GLDC: variants seen among roughly 807,000 people sequenced by gnomAD.
GLDC encodes glycine dehydrogenase (decarboxylating), mitochondrial.
In GLDC, 104 loss-of-function variants were observed where a neutral mutation model predicts 121.3. That is an observed-to-expected ratio of 0.86 (90% CI 0.73 to 1.01). The LOEUF (loss-of-function observed/expected upper bound fraction) is 1.01. Among genes scored for constraint, GLDC ranks in the 50% least tolerant of loss-of-function variants. The probability of loss-of-function intolerance (pLI) is 0.00; values close to 1 mark genes in which losing one functional copy is unlikely to be tolerated. For missense variants in GLDC, 1,429 were observed against 1,306.6 expected, an observed-to-expected ratio of 1.09 and a Z score of -1.44; for synonymous variants, 546 against 480.6, an observed-to-expected ratio of 1.14 and a Z score of -1.78.
At chr9:6,615,325 G>A (rs972602379) in intron 3 of GLDC, among the ~76,000 whole-genome samples, 2 of 151,816 alleles carry the variant, frequency 1.3e-5, no homozygotes, top group Non-Finnish European at 2.9e-5. Flanking sequence ...AGGTGTGGTG[G>A]CTCACACCTG....
chr9:6,622,046 TG>T lies in GLDC; in HGVS notation c.335-1728del, dbSNP rs562915686. On this transcript the variant is annotated intron_variant, in intron 2 of 24. Coordinates refer to ENST00000321612, the MANE Select transcript of GLDC (RefSeq NM_000170.3). ...TAAAGCAAAACCTAAGACAGCAAAC[TG>T]GCAAGGAAGACACTTAACATTGTTT... 9.9e-5 allele frequency among the ~76,000 whole-genome samples: 15 copies of T among 152,210 alleles called. No individual in the cohort carries two copies. The East Asian group carries it at 2.9e-3, about 29-fold the overall frequency.
intron 16 of GLDC, among the ~76,000 whole-genome samples, chr9:6,564,292 G>A (rs949972655): frequency 6.6e-6 from 1 of 151,946 alleles, no homozygotes; most frequent in Admixed American, 6.5e-5. Flanking sequence ...ATGAAAGCCT[G>A]GAAAGACACA....
intron 2 of GLDC, among the ~76,000 whole-genome samples, chr9:6,628,729 A>C (rs1266722013): frequency 6.6e-6 from 1 of 152,246 alleles, no homozygotes; most frequent in East Asian, 1.9e-4. Flanking sequence ...TGACAGAGTG[A>C]GACCCTGCCT....
chr9:6,538,638 A>G (rs1364593643), intron 22 of GLDC, among the ~76,000 whole-genome samples: 2 of 152,186 alleles, frequency 1.3e-5, no homozygotes, highest in Non-Finnish European at 1.5e-5. Context: ...ATCAATCTTC[A>G]AAACAACATT....
chr9:6,621,231 G>C (rs1464631777), intron 2 of GLDC, among the ~76,000 whole-genome samples: 2 of 152,160 alleles, frequency 1.3e-5, no homozygotes. Flanking sequence ...TTCTCATGAA[G>C]GCACTTTGGT....
At chr9:6,555,549 G>A (rs1430908276) in intron 18 of GLDC, among the ~76,000 whole-genome samples, 4 of 151,958 alleles carry the variant, frequency 2.6e-5, no homozygotes, top group African/African-American at 9.7e-5. Context: ...CAGGTGGATT[G>A]CCTGAGCTCA....
rs139870946 is a variant in GLDC at position 6,629,278 on chromosome 9, G to A, written c.335-8959C>T. ...TGCCCAGGTTGGAGTGCAATGGTGCGATCTCGGCTCACTGCAACCTCCGCC... is the reference window on the plus strand; with the variant it reads ...TGCCCAGGTTGGAGTGCAATGGTGCAATCTCGGCTCACTGCAACCTCCGCC... On this transcript the variant is annotated intron_variant, in intron 2 of 24. Transcript: ENST00000321612. Among the ~76,000 whole-genome samples the A allele has an allele frequency of 8.9e-3, 1,340 of 150,166 alleles. 15 individuals are homozygous for A. Among genetic ancestry groups the A allele is most frequent in the African/African-American group, 0.031 (1,264 of 40,698 alleles).
intron 21 of GLDC, chr9:6,541,802 G>C (rs1465434401): frequency 1.7e-5 from 2 of 117,972 alleles, no homozygotes; most frequent in African/African-American, 6.6e-5. Flanking sequence ...ACTGCAGCCT[G>C]GGAGACAAAG....
intron 15 of GLDC, among the ~76,000 whole-genome samples, chr9:6,578,032 G>A (rs369426045): frequency 1.4e-4 from 21 of 151,304 alleles, no homozygotes; most frequent in Non-Finnish European, 2.7e-4. Flanking sequence ...CTCTGGCCTC[G>A]GCCTCTCGAG....
chr9:6,611,631 G>C (rs10975688), intron 3 of GLDC, among the ~76,000 whole-genome samples: 9,946 of 151,580 alleles, frequency 0.066, 470 homozygotes, highest in African/African-American at 0.13. Context: ...CATTTTCAAT[G>C]AATGCATAGT....
At chr9:6,553,868 A>G (rs1242514573) in intron 19 of GLDC, among the ~76,000 whole-genome samples, 4 of 152,080 alleles carry the variant, frequency 2.6e-5, no homozygotes, top group Non-Finnish European at 5.9e-5. Context: ...TGATGAGAAG[A>G]TGCCCCATGG....
intron 17 of GLDC, chr9:6,557,916 G>GT (rs1817671646): frequency 6.1e-6 from 1 of 164,684 alleles, no homozygotes; most frequent in Admixed American, 5.7e-5. Context: ...TCGAAGAGAG[G>GT]TGCAGCATTG....
At chr9:6,582,085 G>C (rs1161181550) in intron 15 of GLDC, among the ~76,000 whole-genome samples, 2 of 151,446 alleles carry the variant, frequency 1.3e-5, no homozygotes, top group African/African-American at 4.9e-5. Flanking sequence ...TGTGGTAGCG[G>C]GCACCTGTAA....
chr9:6,604,841 G>A, intron 6 of GLDC, 57 bp from the exon 7 acceptor site: 1 of 1,366,938 alleles, frequency 7.3e-7, no homozygotes, highest in African/African-American at 1.4e-5. Flanking sequence ...GAGAGTAGTG[G>A]GAGAGTAGGA....
At chr9:6,584,011 G>A (rs912009657) in intron 15 of GLDC, among the ~76,000 whole-genome samples, 12 of 152,112 alleles carry the variant, frequency 7.9e-5, no homozygotes, top group African/African-American at 2.2e-4. Flanking sequence ...TTAAAAATAC[G>A]TAAAGCAGTA....
chr9:6,544,667 C>T (rs2129682423), intron 21 of GLDC, among the ~76,000 whole-genome samples: 1 of 149,194 alleles, frequency 6.7e-6, no homozygotes, highest in African/African-American at 2.5e-5. Flanking sequence ...AATGGATAGG[C>T]ATATAAGAAA....
chr9:6,623,846 C>T (rs1445213627), intron 2 of GLDC, among the ~76,000 whole-genome samples: 2 of 152,198 alleles, frequency 1.3e-5, no homozygotes, highest in African/African-American at 4.8e-5. Flanking sequence ...GTCCAATCAC[C>T]TCCCAAATAA....
At chr9:6,576,310 G>A (rs1348129529) in intron 15 of GLDC, among the ~76,000 whole-genome samples, 2 of 152,088 alleles carry the variant, frequency 1.3e-5, no homozygotes, top group Non-Finnish European at 2.9e-5. Context: ...GTCTTGCTGT[G>A]TCCTCACATG....
At chr9:6,589,056 A>G in intron 12 of GLDC, 139 bp downstream of exon 12, 3 of 733,988 alleles carry the variant, frequency 4.1e-6, no homozygotes, top group Non-Finnish European at 7.5e-6. Context: ...CGGGATCGTT[A>G]TGAGGATGAA....
Sources: gnomAD v4.1 joint callset for allele counts (sites outside exome capture counted in the v4.1 genomes callset) on GRCh38, gnomAD v4.1.1 for gene constraint, MANE v1.5 for transcripts, NCBI Gene and HGNC (gene_info 2026-07-23, HGNC 2026-07-21) for gene names.